NKIRAS1: variants seen among roughly 807,000 people sequenced by gnomAD.
NKIRAS1 encodes the protein NFKB inhibitor interacting Ras like 1.
Under a neutral mutation model 19.8 loss-of-function variants are expected in NKIRAS1, and 16 were observed. That is an observed-to-expected ratio of 0.81 (90% CI 0.55 to 1.23). The LOEUF (loss-of-function observed/expected upper bound fraction) is 1.23. Ranked by LOEUF, NKIRAS1 falls within the 50% of genes most tolerant of loss-of-function variation. The probability of loss-of-function intolerance (pLI) is 0.00; values close to 1 mark genes in which losing one functional copy is unlikely to be tolerated. For synonymous variants in NKIRAS1, 88 were observed against 79.0 expected, an observed-to-expected ratio of 1.11 and a Z score of -0.61; for missense variants, 184 against 220.0, an observed-to-expected ratio of 0.84 and a Z score of 1.04.
At chr3:23,945,253 T>A (rs1259502169) in intron 1 of NKIRAS1, 10 of 151,500 alleles carry the variant, frequency 6.6e-5, no homozygotes, top group African/African-American at 2.4e-4. Flanking sequence ...AGGGGGTGTG[T>A]GCGCGGGTCA....
intron 4 of NKIRAS1, among the ~76,000 whole-genome samples, chr3:23,897,160 C>A (rs1702074005): frequency 6.6e-6 from 1 of 151,468 alleles, no homozygotes; most frequent in African/African-American, 2.4e-5. Flanking sequence ...GCAATCATGC[C>A]ATAGCTCTCA....
At chr3:23,913,854 T>G (rs927829747) in intron 1 of NKIRAS1, among the ~76,000 whole-genome samples, 6 of 152,204 alleles carry the variant, frequency 3.9e-5, no homozygotes, top group African/African-American at 1.2e-4. Flanking sequence ...AAAGGCTCTG[T>G]AGTACATGGG....
At chr3:23,905,036 C>T (rs540671734) in intron 3 of NKIRAS1, among the ~76,000 whole-genome samples, 2 of 152,088 alleles carry the variant, frequency 1.3e-5, no homozygotes, top group South Asian at 4.2e-4. Context: ...CTGATGTTGC[C>T]CAGGCTGATC....
At chr3:23,918,780 T>G, upstream of NKIRAS1, 2 of 642,246 alleles carry the variant, frequency 3.1e-6, no homozygotes, top group Non-Finnish European at 5.2e-6. Flanking sequence ...GAAGTACTTG[T>G]GGAACCTAAG....
At chr3:23,945,727 C>G (rs187468838) in intron 1 of NKIRAS1, 7 of 598,008 alleles carry the variant, frequency 1.2e-5, no homozygotes, top group Admixed American at 1.0e-4. Context: ...CGCCGCGTGT[C>G]CGCCTCTGGC....
intron 1 of NKIRAS1, among the ~76,000 whole-genome samples, chr3:23,928,275 G>C (rs992053236): frequency 6.7e-6 from 1 of 150,288 alleles, no homozygotes; most frequent in Non-Finnish European, 1.5e-5. Flanking sequence ...GGGCAACAGA[G>C]CAAGACTCTG....
At chr3:23,894,526 C>CT (rs1365886760) in intron 4 of NKIRAS1, among the ~76,000 whole-genome samples, 2 of 152,154 alleles carry the variant, frequency 1.3e-5, no homozygotes, top group East Asian at 1.9e-4. Flanking sequence ...CTTCATGTAT[C>CT]TCCCCCTACT....
intron 1 of NKIRAS1, among the ~76,000 whole-genome samples, chr3:23,912,204 A>C (rs2125423055): frequency 6.6e-6 from 1 of 152,350 alleles, no homozygotes; most frequent in South Asian, 2.1e-4. Flanking sequence ...GGATCTAATT[A>C]AACTAAAGAG....
At position 23,892,449 on chromosome 3, in the gene NKIRAS1, G is replaced by T. The variant is rs1394196635; in HGVS notation, c.*646C>A. 6.6e-6 allele frequency: 1 copy of T among 152,186 alleles called. No homozygotes were observed. Among genetic ancestry groups the T allele is most frequent in the African/African-American group, 2.4e-5 (1 of 41,428 alleles). 9.4% of individuals were successfully genotyped at this position (152,186 alleles called of 1,614,324 possible). ...TCAAGTATCTGGTCTATCAACAGGG[G>T]TCTGGCTAAGGAAAAAACGGCCTTA... On this transcript the variant is annotated 3_prime_UTR_variant, in exon 5 of 5. Coordinates refer to ENST00000425478, the MANE Select transcript of NKIRAS1 (RefSeq NM_020345.4).
intron 3 of NKIRAS1, among the ~76,000 whole-genome samples, chr3:23,903,820 G>A (rs1219748718): frequency 1.3e-5 from 2 of 152,136 alleles, no homozygotes; most frequent in African/African-American, 4.8e-5. Flanking sequence ...CAAAACTGAA[G>A]AACATGCATT....
chr3:23,909,890 C>T (rs1284637394), intron 3 of NKIRAS1, among the ~76,000 whole-genome samples: 2 of 138,612 alleles, frequency 1.4e-5, no homozygotes, highest in Non-Finnish European at 3.1e-5. Context: ...GATGGAGTCT[C>T]GCTCTGTCGC....
At chr3:23,908,043 T>C (rs1485926433) in intron 3 of NKIRAS1, among the ~76,000 whole-genome samples, 1 of 152,202 alleles carries the variant, frequency 6.6e-6, no homozygotes, top group East Asian at 1.9e-4. Context: ...CAATAAAATT[T>C]GAGCTTTCAG....
At chr3:23,913,863 G>C (rs1419447986) in intron 1 of NKIRAS1, among the ~76,000 whole-genome samples, 1 of 152,108 alleles carries the variant, frequency 6.6e-6, no homozygotes, top group Non-Finnish European at 1.5e-5. Flanking sequence ...GTAGTACATG[G>C]GTCACCTTTA....
At chr3:23,919,269 A>G (rs774230761), upstream of NKIRAS1, 20 of 1,612,452 alleles carry the variant, frequency 1.2e-5, no homozygotes, top group Middle Eastern at 8.3e-4. Flanking sequence ...TCCACATACA[A>G]ATTTTTTGAG....
intron 1 of NKIRAS1, chr3:23,946,014 G>T (rs1705680897): frequency 1.3e-6 from 1 of 746,018 alleles, no homozygotes; most frequent in Non-Finnish European, 1.6e-6. Context: ...GGGCCGCAGG[G>T]ACACGTGGGG....
intron 1 of NKIRAS1, among the ~76,000 whole-genome samples, chr3:23,944,265 G>C (rs1705568058): frequency 6.6e-6 from 1 of 152,076 alleles, no homozygotes; most frequent in African/African-American, 2.4e-5. Flanking sequence ...TGGGGGGTGG[G>C]GAAATAGGGT....
intron 1 of NKIRAS1, among the ~76,000 whole-genome samples, chr3:23,934,889 A>T (rs573961259): frequency 6.6e-6 from 1 of 152,148 alleles, no homozygotes; most frequent in African/African-American, 2.4e-5. Context: ...AATTTTTTTA[A>T]TCTATAGAAG....
chr3:23,920,410 A>T, upstream of NKIRAS1: 1 of 985,366 alleles, frequency 1.0e-6, no homozygotes. Flanking sequence ...TTCTGCAGTT[A>T]TTTCTCTTGT....
At position 23,890,875 on chromosome 3, in the gene NKIRAS1, G is replaced by A. The variant is rs1180862894; in HGVS notation, c.*2220C>T. 1 of 279,576 alleles carries A rather than the reference G, an allele frequency of 3.6e-6. No homozygotes were observed. Among genetic ancestry groups the A allele is most frequent in the Admixed American group, 5.1e-5 (1 of 19,420 alleles). The allele number at this position is 279,576 out of a possible 1,614,324, so 17.3% of individuals were successfully genotyped here. A position where few individuals can be genotyped will look rare whatever the true frequency, so the allele number is the denominator to read the frequency against. On this transcript the variant is annotated 3_prime_UTR_variant, in exon 5 of 5. Transcript: ENST00000425478. Reference sequence around the variant, plus strand: ...AAAGAATGTACATTTAGACATTTGGGTTCAGTTGCTTGTAGTCTGTAAATT... The same window carrying A: ...AAAGAATGTACATTTAGACATTTGGATTCAGTTGCTTGTAGTCTGTAAATT...
Sources: allele counts gnomAD v4.1 joint callset (sites outside exome capture counted in the v4.1 genomes callset), GRCh38; gene constraint gnomAD v4.1.1; transcripts MANE v1.5; gene names NCBI Gene and HGNC (gene_info 2026-07-23, HGNC 2026-07-21).